Variants in KIAA1217 observed in about 807,000 individuals in gnomAD.
KIAA1217 encodes KIAA1217.
In KIAA1217, 88 loss-of-function variants were observed where a neutral mutation model predicts 163.9. The ratio of observed to expected loss-of-function variants is 0.54; its 90% CI spans 0.45 to 0.64. The LOEUF (loss-of-function observed/expected upper bound fraction) is 0.64. Among genes scored for constraint, KIAA1217 ranks in the 30% least tolerant of loss-of-function variants. The pLI is 0.00. For synonymous variants in KIAA1217, 903 were observed against 923.1 expected, an observed-to-expected ratio of 0.98 and a Z score of 0.39; for missense variants, 2,372 against 2,475.0, an observed-to-expected ratio of 0.96 and a Z score of 0.88.
At chr10:23,856,222 T>C (rs982639481) in intron 1 of KIAA1217, among the ~76,000 whole-genome samples, 23 of 152,344 alleles carry the variant, frequency 1.5e-4, no homozygotes, top group African/African-American at 5.0e-4. Context: ...TTAGTTTTCC[T>C]TCTAACAGAC....
chr10:23,918,733 T>TATATATATACACACAC (rs769797460), intron 1 of KIAA1217, among the ~76,000 whole-genome samples: 18 of 147,476 alleles, frequency 1.2e-4, no homozygotes, highest in African/African-American at 4.0e-4. Flanking sequence ...ATTAAATATA[T>TATATATATACACACAC]ACACACACAC....
At chr10:24,520,391 T>C (rs1416764167) in intron 11 of KIAA1217, 138 bp downstream of exon 11, 2 of 1,193,062 alleles carry the variant, frequency 1.7e-6, no homozygotes, top group Non-Finnish European at 2.4e-6. Flanking sequence ...TTCTGGACAC[T>C]TGGGATACCC....
chr10:24,302,466 T>C (rs1248059188), intron 2 of KIAA1217, among the ~76,000 whole-genome samples: 1 of 152,216 alleles, frequency 6.6e-6, no homozygotes, highest in Non-Finnish European at 1.5e-5. Flanking sequence ...TATGAGTGAA[T>C]TACCTTTAAT....
intron 1 of KIAA1217, among the ~76,000 whole-genome samples, chr10:23,920,699 G>A (rs1449617188): frequency 1.3e-5 from 2 of 152,038 alleles, no homozygotes; most frequent in Admixed American, 6.6e-5. Flanking sequence ...TCTCAAGATG[G>A]CCCAGTCAGT....
At chr10:24,404,178 C>A (rs1390033381) in intron 3 of KIAA1217, among the ~76,000 whole-genome samples, 1 of 152,168 alleles carries the variant, frequency 6.6e-6, no homozygotes, top group Non-Finnish European at 1.5e-5. Flanking sequence ...AGGCTGGTCT[C>A]GAACTCTGGG....
intron 1 of KIAA1217, among the ~76,000 whole-genome samples, chr10:23,989,663 T>A (rs1396614732): frequency 2.0e-5 from 3 of 152,218 alleles, no homozygotes; most frequent in African/African-American, 7.2e-5. Context: ...TATCAGTTCC[T>A]GTACCCCCAT....
At chr10:24,523,149 C>T (rs1041659730) in intron 12 of KIAA1217, among the ~76,000 whole-genome samples, 2 of 151,770 alleles carry the variant, frequency 1.3e-5, no homozygotes, top group African/African-American at 4.8e-5. Flanking sequence ...AAGACCCCAT[C>T]TCTACAAAAA....
chr10:23,857,139 A>G (rs987966307), intron 1 of KIAA1217, among the ~76,000 whole-genome samples: 3 of 152,336 alleles, frequency 2.0e-5, no homozygotes, highest in Middle Eastern at 3.4e-3. Context: ...AGCTGTTCCT[A>G]TTCGGCCATC....
intron 2 of KIAA1217, among the ~76,000 whole-genome samples, chr10:24,278,829 A>ATC (rs2077577666): frequency 6.7e-6 from 1 of 149,922 alleles, no homozygotes; most frequent in Non-Finnish European, 1.5e-5. Flanking sequence ...AGTAATTTGA[A>ATC]TCTGCTGTTG....
intron 2 of KIAA1217, among the ~76,000 whole-genome samples, chr10:24,071,251 A>T (rs2131628863): frequency 6.6e-6 from 1 of 152,320 alleles, no homozygotes; most frequent in South Asian, 2.1e-4. Flanking sequence ...TGAACAAAAC[A>T]TTGCGAGTTT....
In KIAA1217 at chr10:24,457,020, T is replaced by TAA. The variant is rs201547135; in HGVS notation, c.847-16198_847-16197dup. ...CCCGGCCAATTAAACCCTTTTTAAT[T>TAA]AAAAAAAAAAATTGGAAACTAATTT... On this transcript the variant is annotated intron_variant, in intron 5 of 20. Coordinates refer to ENST00000376454, the MANE Select transcript of KIAA1217 (RefSeq NM_019590.5). 4.0e-4 allele frequency among the ~76,000 whole-genome samples: 59 copies of TAA among 148,614 alleles called. No homozygotes were observed. The East Asian group carries it at 8.8e-3, about 22-fold the overall frequency.
chr10:24,003,756 C>A (rs754408552), intron 1 of KIAA1217, among the ~76,000 whole-genome samples: 1 of 152,188 alleles, frequency 6.6e-6, no homozygotes, highest in African/African-American at 2.4e-5. Flanking sequence ...TTCTATAATT[C>A]TACTACTGTA....
chr10:23,728,241 C>T (rs921203409), intron 1 of KIAA1217, among the ~76,000 whole-genome samples: 9 of 152,352 alleles, frequency 5.9e-5, no homozygotes, highest in African/African-American at 1.9e-4. Context: ...AATCACCACA[C>T]TGTCTTCCAA....
chr10:24,331,383 A>G (rs2045647739), intron 2 of KIAA1217, among the ~76,000 whole-genome samples: 1 of 152,272 alleles, frequency 6.6e-6, no homozygotes, highest in South Asian at 2.1e-4. Context: ...TCGAAGGCTA[A>G]AAAGCAGCAG....
chr10:23,705,949 G>A (rs1448656691), intron 1 of KIAA1217, among the ~76,000 whole-genome samples: 1 of 151,962 alleles, frequency 6.6e-6, no homozygotes, highest in Non-Finnish European at 1.5e-5. Context: ...TTGTTGCATA[G>A]TTTTAAGAGT....
intron 1 of KIAA1217, among the ~76,000 whole-genome samples, chr10:23,824,663 A>ATC (rs1837812597): frequency 7.7e-6 from 1 of 130,344 alleles, no homozygotes; most frequent in Admixed American, 7.9e-5. Flanking sequence ...AAAAAAATAT[A>ATC]TATATATATA....
intron 2 of KIAA1217, among the ~76,000 whole-genome samples, chr10:24,156,755 C>A (rs1466956908): frequency 5.3e-5 from 8 of 152,160 alleles, no homozygotes; most frequent in African/African-American, 1.2e-4. Flanking sequence ...ACTAGCCAGT[C>A]CTAAGCTCAT....
chr10:24,369,713 G>C (rs1389253542), intron 2 of KIAA1217, among the ~76,000 whole-genome samples: 1 of 152,098 alleles, frequency 6.6e-6, no homozygotes, highest in African/African-American at 2.4e-5. Flanking sequence ...GCTACAAGCA[G>C]GTTTCTTTCC....
chr10:24,067,724 GTGCCC>G (rs1426026392), intron 2 of KIAA1217, among the ~76,000 whole-genome samples: 3 of 152,248 alleles, frequency 2.0e-5, no homozygotes, highest in Non-Finnish European at 4.4e-5. Context: ...TTGTTTGTCT[GTGCCC>G]TGCCCCCAGA....
Sources: gnomAD v4.1 joint callset for allele counts (sites outside exome capture counted in the v4.1 genomes callset) on GRCh38, gnomAD v4.1.1 for gene constraint, MANE v1.5 for transcripts, NCBI Gene and HGNC (gene_info 2026-07-23, HGNC 2026-07-21) for gene names.